The following UGT3A2 variants were observed in gnomAD, a reference collection of about 807,000 sequenced individuals.
The protein encoded by UGT3A2 is UDP-glycosyltransferase 3A2.
A neutral mutation model predicts 39.8 loss-of-function variants in UGT3A2; 32 were observed. The ratio of observed to expected loss-of-function variants is 0.80; its 90% CI spans 0.61 to 1.08. The LOEUF (loss-of-function observed/expected upper bound fraction) is 1.08, where lower values mean the gene tolerates loss of function less well. UGT3A2 is among the 50% of genes least tolerant of loss of function. UGT3A2 has a pLI of 0.00. For missense variants in UGT3A2, 611 were observed against 637.1 expected (o/e 0.96, Z 0.44); for synonymous variants, 241 against 230.7 (o/e 1.04, Z -0.40).
intron 2 of UGT3A2, among the ~76,000 whole-genome samples, chr5:36,061,388 C>G (rs981503155): frequency 1.9e-5 from 2 of 107,840 alleles, no homozygotes; most frequent in African/African-American, 7.0e-5. Flanking sequence ...TATCCCTCCC[C>G]CCTCCCCCCA....
chr5:36,065,635 G>A (rs1242960971), intron 1 of UGT3A2, among the ~76,000 whole-genome samples: 1 of 152,180 alleles, frequency 6.6e-6, no homozygotes, highest in Non-Finnish European at 1.5e-5. Context: ...CTTAAACAGT[G>A]ATTTTTGAAA....
chr5:36,059,353 T>C (rs1742612271), intron 2 of UGT3A2, among the ~76,000 whole-genome samples: 1 of 138,176 alleles, frequency 7.2e-6, no homozygotes, highest in Admixed American at 7.6e-5. Context: ...TTTGGTTATT[T>C]CTTTTCTCTT....
In UGT3A2 at chr5:36,066,828, G is replaced by GC; in HGVS notation, c.-40dup. On this transcript the variant is annotated 5_prime_UTR_variant, in exon 1 of 7. Coordinates refer to ENST00000282507, the MANE Select transcript of UGT3A2 (RefSeq NM_174914.4). The stretch of plus-strand genomic sequence containing the variant: ...GAAGCCGCGGATCTCAGCCTGGGCT[G>GC]CGCGCCCTGCGCCCGGCTAAGGGAC... 6.2e-7 allele frequency: 1 copy of GC among 1,612,790 alleles called. No homozygotes were observed. Among genetic ancestry groups the GC allele is most frequent in the South Asian group, 1.1e-5 (1 of 91,046 alleles).
chr5:36,040,468 CT>C (rs746327236), intron 4 of UGT3A2, among the ~76,000 whole-genome samples: 1 of 152,080 alleles, frequency 6.6e-6, no homozygotes, highest in South Asian at 2.1e-4. Flanking sequence ...GAAAAAGGCA[CT>C]GAGAAGGTAG....
At chr5:36,039,888 G>A (rs1395194418) in intron 4 of UGT3A2, among the ~76,000 whole-genome samples, 180 bp from the exon 5 acceptor site, 2 of 150,232 alleles carry the variant, frequency 1.3e-5, no homozygotes, top group East Asian at 3.8e-4. Flanking sequence ...CCTTTGTGTT[G>A]GTGGGAACAT....
intron 4 of UGT3A2, among the ~76,000 whole-genome samples, chr5:36,043,000 A>T (rs141685464): frequency 7.2e-5 from 11 of 152,226 alleles, no homozygotes; most frequent in African/African-American, 2.6e-4. Flanking sequence ...ACAAAGAAAC[A>T]TTGAACTTAA....
Position 36,049,225 on chromosome 5 carries a change from T to G in UGT3A2, c.507A>C (p.Ser169=). The G allele has an allele frequency of 6.2e-7, 1 of 1,614,132 alleles. No homozygotes were observed. The highest frequency in any genetic ancestry group is 8.5e-7 in the Non-Finnish European group (1 of 1,180,030). ...GKPFVAILST[S]FGSLEFGLPI... is the part of the protein sequence containing the mutation. The stretch of plus-strand genomic sequence containing the variant: ...GTAGCCCAAATTCCAAAGAGCCGAA[T>G]GAAGTGGAAAGAATGGCCACAAATG... Residue 169 remains serine (S), a synonymous_variant, in exon 4 of 7, where the codon TCA becomes TCC. Coordinates refer to ENST00000282507, the MANE Select transcript of UGT3A2 (RefSeq NM_174914.4).
Position 36,049,059 on chromosome 5 carries a change from T to C in UGT3A2, c.673A>G (p.Ile225Val). ...GAGCCTTCTGTGAAATGTTCCTTGA[T>C]GGTGTTGTCAAATGTAGACTGCATG... is the stretch of plus-strand genomic sequence containing the variant. ...QHMQSTFDNT[I>V]KEHFTEGSRP... The change falls in exon 4 of 7, where the codon ATC becomes GTC. Residue 225 changes from isoleucine to valine, a missense_variant. By Grantham distance (29) the Ile-to-Val change is conservative. Transcript: ENST00000282507. 1 of 1,614,186 alleles carries C rather than the reference T, an allele frequency of 6.2e-7. No individual in the cohort carries two copies. The highest frequency in any genetic ancestry group is 1.3e-5 in the African/African-American group (1 of 75,062).
intron 4 of UGT3A2, among the ~76,000 whole-genome samples, chr5:36,045,367 G>T (rs984818577): frequency 5.9e-5 from 9 of 152,116 alleles, no homozygotes; most frequent in African/African-American, 2.2e-4. Flanking sequence ...ACTTTGGGAG[G>T]CTGAGGCAGG....
At chr5:36,063,967 A>G (rs544289868) in intron 2 of UGT3A2, among the ~76,000 whole-genome samples, 1 of 152,262 alleles carries the variant, frequency 6.6e-6, no homozygotes, top group South Asian at 2.1e-4. Context: ...CCATCTTATA[A>G]AGTAGTATTT....
Position 36,061,997 on chromosome 5 carries a change from G to A in UGT3A2, c.196+2252C>T, listed in dbSNP as rs557092026. 1.1e-4 allele frequency among the ~76,000 whole-genome samples: 17 copies of A among 151,694 alleles called. No individual in the cohort carries two copies. In the East Asian group the frequency reaches 3.1e-3, roughly 28 times the overall value. Reference sequence around the variant, plus strand: ...TTGCATTTCTCTGATGGCCAGTGACGATGAGCATTTTTTCATGTGTTTTTT... The same window carrying A: ...TTGCATTTCTCTGATGGCCAGTGACAATGAGCATTTTTTCATGTGTTTTTT... On this transcript the variant is annotated intron_variant, in intron 2 of 6. Coordinates refer to ENST00000282507, the MANE Select transcript of UGT3A2 (RefSeq NM_174914.4).
chr5:36,053,618 A>G lies in UGT3A2; in HGVS notation c.197-1634T>C, dbSNP rs189659679. On this transcript the variant is annotated intron_variant, in intron 2 of 6. Transcript: ENST00000282507. ...CCTGGAGTTCTTCTGAGCACCTATC[A>G]TGGCTGTTTCAGTTTCCTATTGCTG... Among the ~76,000 whole-genome samples the G allele has an allele frequency of 1.2e-4, 18 of 152,310 alleles. 1 individual carries two copies. Among genetic ancestry groups the G allele is most frequent in the Admixed American group, 1.0e-3 (16 of 15,296 alleles).
rs10035159 is a variant in UGT3A2 at position 36,054,628 on chromosome 5, A to G, written c.197-2644T>C. Among the ~76,000 whole-genome samples, 661 of 152,250 alleles carry G rather than the reference A, an allele frequency of 4.3e-3. 6 individuals are homozygous for G. Among genetic ancestry groups the G allele is most frequent in the African/African-American group, 0.015 (615 of 41,542 alleles). ...AAAAAATGACCTGCTCCCCAAAACC[A>G]ATAGTGGGACAGGCATAGGATACCA... is the stretch of plus-strand genomic sequence containing the variant. On this transcript the variant is annotated intron_variant, in intron 2 of 6. Transcript: ENST00000282507.
At chr5:36,043,984 A>T (rs1479313264) in intron 4 of UGT3A2, among the ~76,000 whole-genome samples, 1 of 151,740 alleles carries the variant, frequency 6.6e-6, no homozygotes, top group Non-Finnish European at 1.5e-5. Flanking sequence ...AAGAGAGGGG[A>T]ATAAAAGGCC....
At chr5:36,063,783 G>A (rs553290023) in intron 2 of UGT3A2, among the ~76,000 whole-genome samples, 1 of 152,182 alleles carries the variant, frequency 6.6e-6, no homozygotes, top group African/African-American at 2.4e-5. Context: ...CTACAAGTGG[G>A]TGCCACCATG....
In UGT3A2 at chr5:36,066,848, A is replaced by G. The variant is rs1742898622; in HGVS notation, c.-59T>C. 1.9e-6 allele frequency: 3 copies of G among 1,605,952 alleles called. No individual in the cohort carries two copies. The highest frequency in any genetic ancestry group is 2.6e-6 in the Non-Finnish European group (3 of 1,172,988). ...GGGCTGCGCGCCCTGCGCCCGGCTA[A>G]GGGACCCTGTGCACCTCAGTGCGCC... On this transcript the variant is annotated 5_prime_UTR_variant, in exon 1 of 7. Transcript: ENST00000282507.
intron 4 of UGT3A2, among the ~76,000 whole-genome samples, chr5:36,044,173 G>A (rs1449148395): frequency 6.6e-6 from 1 of 151,974 alleles, no homozygotes; most frequent in African/African-American, 2.4e-5. Flanking sequence ...GGGACTGAAG[G>A]ATCGTTCAAC....
intron 4 of UGT3A2, among the ~76,000 whole-genome samples, chr5:36,043,983 G>A (rs550992173): frequency 6.6e-6 from 1 of 151,492 alleles, no homozygotes; most frequent in Non-Finnish European, 1.5e-5. Context: ...GAAGAGAGGG[G>A]AATAAAAGGC....
intron 4 of UGT3A2, among the ~76,000 whole-genome samples, chr5:36,041,494 T>A (rs922967248): frequency 5.3e-5 from 8 of 151,826 alleles, no homozygotes; most frequent in Admixed American, 3.9e-4. Flanking sequence ...GTCATGAGAG[T>A]GTTTGTGTCA....
Sources: allele counts gnomAD v4.1 joint callset (sites outside exome capture counted in the v4.1 genomes callset), GRCh38; gene constraint gnomAD v4.1.1; transcripts MANE v1.5; gene names NCBI Gene and HGNC (gene_info 2026-07-23, HGNC 2026-07-21).